The following PTPRN2 variants were observed in gnomAD, a reference collection of about 807,000 sequenced individuals.
PTPRN2 encodes the protein protein tyrosine phosphatase receptor type N2.
A neutral mutation model predicts 118.8 loss-of-function variants in PTPRN2; 74 were observed. The ratio of observed to expected loss-of-function variants is 0.62; its 90% CI spans 0.52 to 0.76. The LOEUF (loss-of-function observed/expected upper bound fraction) is 0.76. Among genes scored for constraint, PTPRN2 ranks in the 30% least tolerant of loss-of-function variants. The probability of loss-of-function intolerance (pLI) is 0.00; values close to 1 mark genes in which losing one functional copy is unlikely to be tolerated. For synonymous variants in PTPRN2, 641 were observed against 608.0 expected (o/e 1.05, Z -0.80); for missense variants, 1,481 against 1,394.4 (o/e 1.06, Z -0.99).
chr7:157,613,395 G>C (rs570108477), intron 15 of PTPRN2, among the ~76,000 whole-genome samples: 1 of 152,324 alleles, frequency 6.6e-6, no homozygotes, highest in African/African-American at 2.4e-5. Context: ...GGGCGGAGGC[G>C]GGTCCGGGCG....
intron 2 of PTPRN2, among the ~76,000 whole-genome samples, chr7:158,322,380 GACCTC>G (rs1803098243): frequency 6.6e-6 from 1 of 152,092 alleles, no homozygotes; most frequent in Non-Finnish European, 1.5e-5. Context: ...AGAGGGCACT[GACCTC>G]ACCCAGCGGT....
Position 157,745,319 on chromosome 7 carries a change from G to A in PTPRN2, c.1789-62382C>T, listed in dbSNP as rs372513603. ...TCTGCTGGATGAGAAGCTTCTGCAC[G>A]GACTCGTCCACCCTCTCACTGTAAA... On this transcript the variant is annotated intron_variant, in intron 12 of 22. Coordinates refer to ENST00000389418, the MANE Select transcript of PTPRN2 (RefSeq NM_002847.5). Among the ~76,000 whole-genome samples, 30 of 152,162 alleles carry A rather than the reference G, an allele frequency of 2.0e-4. No homozygotes were observed. The East Asian group carries it at 2.5e-3, about 13-fold the overall frequency.
rs187735102 is a variant in PTPRN2, at chr7:157,676,388, G to A, written c.2001+6337C>T. On this transcript the variant is annotated intron_variant, in intron 13 of 22. Transcript: ENST00000389418. This position sits in a 1 kb window ranked among gnomAD's most constrained non-coding sequence, Gnocchi z 5.6. ...CAAGGATTTGATTTCAGTTTCACAC[G>A]AATCACCTCCTAGTGATGCGTGGAC... is the stretch of plus-strand genomic sequence containing the variant. 3.8e-4 allele frequency among the ~76,000 whole-genome samples: 58 copies of A among 152,234 alleles called. No individual in the cohort carries two copies. Among genetic ancestry groups the A allele is most frequent in the African/African-American group, 1.3e-3 (53 of 41,554 alleles).
In PTPRN2 at chr7:157,808,743, T is replaced by A. The variant is rs1805791061; in HGVS notation, c.1788+89930A>T. On this transcript the variant is annotated intron_variant, in intron 12 of 22. Coordinates refer to ENST00000389418, the MANE Select transcript of PTPRN2 (RefSeq NM_002847.5). This position sits in a 1 kb window ranked among gnomAD's most constrained non-coding sequence, Gnocchi z 5.0. ...CCAACCTTGGTCCATGGAAAAACCGTCTTCCATGGAACAGGTCCCTGGTGC... is the reference window on the plus strand; with the variant it reads ...CCAACCTTGGTCCATGGAAAAACCGACTTCCATGGAACAGGTCCCTGGTGC... 6.6e-6 allele frequency among the ~76,000 whole-genome samples: 1 copy of A among 152,190 alleles called. No individual in the cohort carries two copies. Among genetic ancestry groups the A allele is most frequent in the South Asian group, 2.1e-4 (1 of 4,830 alleles).
chr7:158,372,612 ACCACGCTGGTCCCCG>A (rs1810155370), intron 2 of PTPRN2, among the ~76,000 whole-genome samples: 6 of 94,250 alleles, frequency 6.4e-5, no homozygotes, highest in Non-Finnish European at 1.1e-4. Context: ...GCTGGTCCCC[ACCACGCTGGTCCCCG>A]GAGCTGGTCC....
intron 2 of PTPRN2, among the ~76,000 whole-genome samples, chr7:158,449,521 G>A (rs938442740): frequency 6.7e-5 from 10 of 150,148 alleles, no homozygotes; most frequent in African/African-American, 1.8e-4. Context: ...GACACACAGC[G>A]CGGGCCGAGT....
intron 13 of PTPRN2, among the ~76,000 whole-genome samples, chr7:157,666,523 G>A (rs1796144620): frequency 1.3e-5 from 2 of 151,384 alleles, no homozygotes; most frequent in Non-Finnish European, 2.9e-5. Flanking sequence ...AAACCCCACA[G>A]TAGAAAATGA....
intron 11 of PTPRN2, among the ~76,000 whole-genome samples, chr7:157,939,063 C>G (rs1799892049): frequency 6.6e-6 from 1 of 152,088 alleles, no homozygotes; most frequent in Non-Finnish European, 1.5e-5. Flanking sequence ...GTAAAGCATG[C>G]AGGTCCCCAC....
intron 12 of PTPRN2, among the ~76,000 whole-genome samples, chr7:157,683,857 T>A (rs1382384223): frequency 6.6e-6 from 1 of 152,062 alleles, no homozygotes; most frequent in Non-Finnish European, 1.5e-5. Flanking sequence ...GCACAATGAC[T>A]CGGGGAGTGA....
chr7:157,659,410 G>A (rs1307176032), intron 13 of PTPRN2, among the ~76,000 whole-genome samples: 3 of 124,150 alleles, frequency 2.4e-5, no homozygotes, highest in African/African-American at 6.0e-5. Context: ...GATGGCTGGG[G>A]GGACTGGGCG....
intron 3 of PTPRN2, among the ~76,000 whole-genome samples, chr7:158,316,533 C>T (rs1008571438): frequency 8.5e-5 from 13 of 152,190 alleles, no homozygotes; most frequent in Non-Finnish European, 1.0e-4. Flanking sequence ...GATAAGCAGC[C>T]GACGCCTGCC....
At chr7:158,283,505 C>T (rs1307596649) in intron 3 of PTPRN2, among the ~76,000 whole-genome samples, 1 of 152,144 alleles carries the variant, frequency 6.6e-6, no homozygotes, top group Non-Finnish European at 1.5e-5. Flanking sequence ...CTCTGACTGG[C>T]CACGTCGTGG....
intron 2 of PTPRN2, among the ~76,000 whole-genome samples, chr7:158,328,107 G>A (rs1803805481): frequency 1.3e-5 from 2 of 152,184 alleles, no homozygotes; most frequent in Non-Finnish European, 2.9e-5. Flanking sequence ...CTGTAAAAGT[G>A]CTCCCATTCT....
intron 3 of PTPRN2, among the ~76,000 whole-genome samples, chr7:158,279,990 C>T (rs112528604): frequency 4.6e-5 from 7 of 151,822 alleles, no homozygotes; most frequent in Middle Eastern, 3.2e-3. Flanking sequence ...CCCGGACGGC[C>T]CCCACGCCCC....
At chr7:158,377,764 A>G (rs1032895555) in intron 2 of PTPRN2, among the ~76,000 whole-genome samples, 1 of 152,238 alleles carries the variant, frequency 6.6e-6, no homozygotes, top group African/African-American at 2.4e-5. Flanking sequence ...TCTTACACCC[A>G]TTCCAGGGAC....
Position 157,560,852 on chromosome 7 carries a change from A to C in PTPRN2, c.2902+8050T>G, listed in dbSNP as rs1287643960. Among the ~76,000 whole-genome samples the C allele has an allele frequency of 6.6e-6, 1 of 152,082 alleles. No homozygotes were observed. Among genetic ancestry groups the C allele is most frequent in the African/African-American group, 2.4e-5 (1 of 41,422 alleles). On this transcript the variant is annotated intron_variant, in intron 21 of 22. Transcript: ENST00000389418. The surrounding 1 kb of genome is among the most constrained non-coding windows in gnomAD (Gnocchi z 6.7). ...CCCTTCGTGTTTTCATGTTTCAGCC[A>C]AACATAAAAGCGAGACGTCTCCTGC...
intron 2 of PTPRN2, among the ~76,000 whole-genome samples, chr7:158,480,358 G>A (rs527605891): frequency 6.6e-6 from 1 of 152,298 alleles, no homozygotes; most frequent in South Asian, 2.1e-4. Flanking sequence ...GATCAATGCT[G>A]TGTGTGTTCT....
At chr7:158,217,877 G>T (rs1017009850) in intron 3 of PTPRN2, among the ~76,000 whole-genome samples, 7 of 151,934 alleles carry the variant, frequency 4.6e-5, no homozygotes, top group African/African-American at 1.7e-4. Context: ...AATCAACACA[G>T]GCAGACAAAA....
chr7:157,545,608 C>T (rs1287108654), intron 22 of PTPRN2, among the ~76,000 whole-genome samples: 1 of 152,094 alleles, frequency 6.6e-6, no homozygotes, highest in East Asian at 1.9e-4. Context: ...GACTTCTCTT[C>T]TAAGATGATG....
Sources: gnomAD v4.1 joint callset for allele counts (sites outside exome capture counted in the v4.1 genomes callset) on GRCh38, gnomAD v4.1.1 for gene constraint, Gnocchi (gnomAD v3.1) non-coding constraint, MANE v1.5 for transcripts, NCBI Gene and HGNC (gene_info 2026-07-23, HGNC 2026-07-21) for gene names.